The following ZNF451 variants were observed in gnomAD, a reference collection of about 807,000 sequenced individuals.
ZNF451 encodes the protein zinc finger protein 451.
Under a neutral mutation model 107.1 loss-of-function variants are expected in ZNF451, and 80 were observed. That is an observed-to-expected ratio of 0.75 (90% CI 0.62 to 0.90). The LOEUF (loss-of-function observed/expected upper bound fraction) is 0.90, where lower values mean the gene tolerates loss of function less well. ZNF451 is among the 40% of genes least tolerant of loss of function. The probability of loss-of-function intolerance (pLI) is 0.00; values close to 1 mark genes in which losing one functional copy is unlikely to be tolerated. For missense variants in ZNF451, 1,107 were observed against 1,236.2 expected, an observed-to-expected ratio of 0.90 and a Z score of 1.57; for synonymous variants, 362 against 406.5, an observed-to-expected ratio of 0.89 and a Z score of 1.32.
At chr6:57,161,237 C>G in intron 14 of ZNF451, 85 bp downstream of exon 14, 1 of 694,154 alleles carries the variant, frequency 1.4e-6, no homozygotes, top group Non-Finnish European at 2.2e-6. Flanking sequence ...CCATTCACCC[C>G]TCTTATTCCC....
At chr6:57,134,455 A>G (rs1264452687) in intron 6 of ZNF451, among the ~76,000 whole-genome samples, 1 of 152,228 alleles carries the variant, frequency 6.6e-6, no homozygotes, top group Non-Finnish European at 1.5e-5. Context: ...TACAATTTTC[A>G]AACGAGAAGT....
chr6:57,144,184 A>C (rs1831934199), intron 9 of ZNF451, among the ~76,000 whole-genome samples: 1 of 150,952 alleles, frequency 6.6e-6, no homozygotes, highest in Non-Finnish European at 1.5e-5. Context: ...AGTTGAAATT[A>C]TATACCCTAA....
chr6:57,103,016 T>C (rs1332019236), intron 3 of ZNF451: 1 of 985,296 alleles, frequency 1.0e-6, no homozygotes, highest in African/African-American at 1.7e-5. Flanking sequence ...TTAAACAACC[T>C]ACCTTCTAAA....
rs181911763 is a variant in ZNF451, at chr6:57,095,142, T to C, written c.106-3919T>C. On this transcript the variant is annotated intron_variant, in intron 2 of 14. Coordinates refer to ENST00000370706, the MANE Select transcript of ZNF451 (RefSeq NM_001031623.3). ...GTGTACACTATTTGTGTATAAGTAATCTTTTCCTTTGGGGTACATGTCTGT... is the reference window on the plus strand; with the variant it reads ...GTGTACACTATTTGTGTATAAGTAACCTTTTCCTTTGGGGTACATGTCTGT... 4.6e-5 allele frequency among the ~76,000 whole-genome samples: 7 copies of C among 152,280 alleles called. No individual in the cohort carries two copies. In the East Asian group the frequency reaches 1.3e-3, roughly 29 times the overall value.
intron 3 of ZNF451, chr6:57,102,426 T>C: frequency 9.9e-7 from 1 of 1,014,652 alleles, no homozygotes; most frequent in Non-Finnish European, 1.2e-6. Flanking sequence ...TAAAGATGTG[T>C]TCCTCAGGAA....
At chr6:57,113,794 TG>T (rs1330037714) in intron 3 of ZNF451, among the ~76,000 whole-genome samples, 1 of 152,048 alleles carries the variant, frequency 6.6e-6, no homozygotes, top group African/African-American at 2.4e-5. Flanking sequence ...GCTGATTTTT[TG>T]TATTTTTAGT....
At chr6:57,112,168 A>G (rs1830146862) in intron 3 of ZNF451, among the ~76,000 whole-genome samples, 1 of 152,186 alleles carries the variant, frequency 6.6e-6, no homozygotes, top group Non-Finnish European at 1.5e-5. Flanking sequence ...ATATAAGTTG[A>G]GTAGAAGGGG....
chr6:57,104,335 T>C, intron 3 of ZNF451: 2 of 985,394 alleles, frequency 2.0e-6, no homozygotes, highest in Non-Finnish European at 1.2e-6. Context: ...GAGAACTCAG[T>C]GGTGAGAGAC....
chr6:57,097,700 T>C (rs1262439849), intron 2 of ZNF451, among the ~76,000 whole-genome samples: 1 of 152,158 alleles, frequency 6.6e-6, no homozygotes, highest in Non-Finnish European at 1.5e-5. Flanking sequence ...AATAGTCTTC[T>C]AGGGGAGCAA....
chr6:57,103,003 T>C (rs1379463661), intron 3 of ZNF451: 1 of 985,334 alleles, frequency 1.0e-6, no homozygotes, highest in African/African-American at 1.7e-5. Flanking sequence ...CAAGATGGCC[T>C]TCTTAAACAA....
rs1346811456 is a variant in ZNF451, at chr6:57,125,648, A to G, written c.312+789A>G. On this transcript the variant is annotated intron_variant, in intron 4 of 14. Coordinates refer to ENST00000370706, the MANE Select transcript of ZNF451 (RefSeq NM_001031623.3). ...CCATGATTTTGTAATTTTAACGTGC[A>G]TGTTTTTGACTCCTTATTCCATTGG... Among the ~76,000 whole-genome samples, 4 of 152,272 alleles carry G rather than the reference A, an allele frequency of 2.6e-5. No individual in the cohort carries two copies. In the East Asian group the frequency reaches 7.7e-4, roughly 29 times the overall value.
In ZNF451 at chr6:57,161,096, A is replaced by G. The variant is rs1763652538; in HGVS notation, c.3083A>G (p.Asp1028Gly). The change falls in exon 14 of 15, where the codon GAT (aspartate) becomes GGT (glycine). Residue 1028 changes from aspartate to glycine, a missense_variant. By Grantham distance (94) the Asp-to-Gly change is moderately conservative. Coordinates refer to ENST00000370706, the MANE Select transcript of ZNF451 (RefSeq NM_001031623.3). ...TTCTTCTTTACAGAATGTGACAGTG[A>G]TGATAACATGGGTGCCAAAAATACT... ...ISDTTKECDS[D>G]DNMGAKNTSI... 6.4e-7 allele frequency: 1 copy of G among 1,562,260 alleles called. No homozygotes were observed. Among genetic ancestry groups the G allele is most frequent in the Non-Finnish European group, 8.6e-7 (1 of 1,160,218 alleles).
At chr6:57,145,411 C>T (rs1832013702) in intron 9 of ZNF451, among the ~76,000 whole-genome samples, 1 of 152,162 alleles carries the variant, frequency 6.6e-6, no homozygotes, top group Non-Finnish European at 1.5e-5. Context: ...AAATAGTGAA[C>T]ATTGTACCCA....
chr6:57,134,700 T>C, intron 6 of ZNF451, 44 bp from the exon 7 acceptor site: 2 of 1,579,198 alleles, frequency 1.3e-6, no homozygotes, highest in Non-Finnish European at 8.6e-7. Flanking sequence ...TTCCCTAGAA[T>C]GTAGATTTAT....
intron 3 of ZNF451, chr6:57,103,580 G>A: frequency 4.1e-6 from 4 of 985,342 alleles, no homozygotes; most frequent in Non-Finnish European, 3.6e-6. Context: ...ATCAGGAATG[G>A]AGAATATGTC....
At chr6:57,094,981 A>G (rs1829218164) in intron 2 of ZNF451, among the ~76,000 whole-genome samples, 1 of 152,210 alleles carries the variant, frequency 6.6e-6, no homozygotes, top group African/African-American at 2.4e-5. Context: ...AATGTACATT[A>G]AAAGCTTTGC....
In ZNF451 at chr6:57,148,526, T is replaced by G; in HGVS notation, c.2441T>G (p.Phe814Cys). The G allele has an allele frequency of 6.2e-7, 1 of 1,614,158 alleles. No homozygotes were observed. Among genetic ancestry groups the G allele is most frequent in the East Asian group, 2.2e-5 (1 of 44,884 alleles). ...CAGCATTTCCATAGAAAACATTGCT[T>G]CTTACAGAAACCCAGTGTGGCTCAT... ...AQQHFHRKHC[F>C]LQKPSVAHFG... The change falls in exon 10 of 15, where the codon TTC becomes TGC. Residue 814 changes from phenylalanine to cysteine, a missense_variant. Around this residue, in one of 5 missense-constraint regions of ZNF451, gnomAD observed 608 missense variants for 649.2 expected, o/e 0.94. Coordinates refer to ENST00000370706, the MANE Select transcript of ZNF451 (RefSeq NM_001031623.3).
At chr6:57,164,863 A>C (rs1763827497) in intron 14 of ZNF451, 1 of 152,216 alleles carries the variant, frequency 6.6e-6, no homozygotes, top group African/African-American at 2.4e-5. Flanking sequence ...TAGCCACAGA[A>C]TAGAAAAACA....
At chr6:57,107,210 T>G in intron 3 of ZNF451, 1 of 985,418 alleles carries the variant, frequency 1.0e-6, no homozygotes, top group South Asian at 4.7e-5. Flanking sequence ...TGATCTTTTC[T>G]TCTCCTGTAT....
Sources: allele counts gnomAD v4.1 joint callset (sites outside exome capture counted in the v4.1 genomes callset), GRCh38; gene constraint gnomAD v4.1.1; regional missense constraint gnomAD v4.1.1; transcripts MANE v1.5; gene names NCBI Gene and HGNC (gene_info 2026-07-23, HGNC 2026-07-21).